The following CAPNS1 variants were observed in gnomAD, a reference collection of about 807,000 sequenced individuals.
CAPNS1 encodes the protein calpain small subunit 1, also known as CANP small subunit.
Under a neutral mutation model 39.2 loss-of-function variants are expected in CAPNS1, and 32 were observed. That is an observed-to-expected ratio of 0.82 (90% CI 0.62 to 1.10). The LOEUF is 1.10. Among genes scored for constraint, CAPNS1 ranks in the 50% least tolerant of loss-of-function variants. The pLI, the probability that CAPNS1 is intolerant of heterozygous loss-of-function variation, is 0.00. For missense variants in CAPNS1, 353 were observed against 373.1 expected, an observed-to-expected ratio of 0.95 and a Z score of 0.44; for synonymous variants, 153 against 136.2, an observed-to-expected ratio of 1.12 and a Z score of -0.86.
Position 36,146,286 on chromosome 19 carries a change from G to T in CAPNS1, c.695G>T (p.Cys232Phe). ...ATGGATTTTGACAACTTCATCAGCT[G>T]CTTGGTCAGGCTGGACGCCATGTTC... ...GNMDFDNFIS[C>F]LVRLDAMFRA... is the part of the protein sequence containing the mutation. The change falls in exon 9 of 11, where the codon TGC becomes TTC. Residue 232 changes from cysteine (C) to phenylalanine (F), a missense_variant. By Grantham distance (205) the Cys-to-Phe change is radical. Transcript: ENST00000246533. The T allele has an allele frequency of 6.2e-7, 1 of 1,613,194 alleles. No individual in the cohort carries two copies. The highest frequency in any genetic ancestry group is 8.5e-7 in the Non-Finnish European group (1 of 1,179,152).
At chr19:36,143,771 G>A (rs1974463999) in intron 6 of CAPNS1, among the ~76,000 whole-genome samples, 1 of 151,536 alleles carries the variant, frequency 6.6e-6, no homozygotes, top group Non-Finnish European at 1.5e-5. Context: ...GCTGAAGCAG[G>A]AGAATGGCGT....
At chr19:36,141,297 G>T in intron 2 of CAPNS1, 77 bp downstream of exon 2, 1 of 1,437,490 alleles carries the variant, frequency 7.0e-7, no homozygotes, top group Non-Finnish European at 9.1e-7. Flanking sequence ...GGAGGGGCGT[G>T]GTCTAAAAAT....
At position 36,146,021 on chromosome 19, in the gene CAPNS1, A is replaced by C; in HGVS notation, c.571A>C (p.Ser191Arg). ...CACTGACCGATCAGGGACCATTTGCAGTAGTGAACTCCCAGGTGCCTTTGA... is the reference window on the plus strand; with the variant it reads ...CACTGACCGATCAGGGACCATTTGCCGTAGTGAACTCCCAGGTGCCTTTGA... ...FDTDRSGTIC[S>R]SELPGAFEAA... The change falls in exon 8 of 11, where the codon AGT (serine) becomes CGT (arginine). Residue 191 changes from serine to arginine, a missense_variant. Physicochemically the swap from Ser to Arg is moderately radical, Grantham distance 110 (BLOSUM62 -1). Transcript: ENST00000246533. The C allele has an allele frequency of 1.9e-6, 3 of 1,614,196 alleles. No homozygotes were observed. The highest frequency in any genetic ancestry group is 2.5e-6 in the Non-Finnish European group (3 of 1,180,034).
At chr19:36,145,110 C>A (rs17879505) in intron 6 of CAPNS1, among the ~76,000 whole-genome samples, 1 of 151,904 alleles carries the variant, frequency 6.6e-6, no homozygotes, top group Non-Finnish European at 1.5e-5. Context: ...GGATTACAGG[C>A]ATGAACCACC....
At position 36,146,048 on chromosome 19, in the gene CAPNS1, G is replaced by T. The variant is rs1974554255; in HGVS notation, c.598G>T (p.Ala200Ser). 6.2e-7 allele frequency: 1 copy of T among 1,614,120 alleles called. No homozygotes were observed. The highest frequency in any genetic ancestry group is 1.3e-5 in the African/African-American group (1 of 75,056). The change falls in exon 8 of 11, where the codon GCA (alanine) becomes TCA (serine). Residue 200 changes from alanine (A) to serine (S), a missense_variant. By Grantham distance (99) the Ala-to-Ser change is moderately conservative (BLOSUM62 1). Transcript: ENST00000246533. Reference sequence around the variant, plus strand: ...TAGTGAACTCCCAGGTGCCTTTGAGGCAGCAGGTATGGCTGGCAGGGACAT... The same window carrying T: ...TAGTGAACTCCCAGGTGCCTTTGAGTCAGCAGGTATGGCTGGCAGGGACAT... ...CSSELPGAFE[A>S]AGFHLNEHLY...
At position 36,142,729 on chromosome 19, in the gene CAPNS1, G is replaced by A; in HGVS notation, c.321G>A (p.Gln107=). 1.2e-6 allele frequency: 2 copies of A among 1,614,030 alleles called. No individual in the cohort carries two copies. Among genetic ancestry groups the A allele is most frequent in the South Asian group, 1.1e-5 (1 of 91,080 alleles). Residue 107 remains glutamine (Q), a synonymous_variant, in exon 4 of 11, where the codon CAG becomes CAA. Coordinates refer to ENST00000246533, the MANE Select transcript of CAPNS1 (RefSeq NM_001749.4). ...EVRQFRRLFA[Q]LAGDDMEVSA... ...GGCAGTTCCGGAGACTCTTTGCCCA[G>A]CTGGCTGGAGATGTAAGTAACCTGG...
intron 2 of CAPNS1, 179 bp downstream of exon 2, chr19:36,141,399 G>C: frequency 7.5e-7 from 1 of 1,334,354 alleles, no homozygotes; most frequent in East Asian, 3.2e-5. Flanking sequence ...GTGGACCCCA[G>C]TGAGGCGGAT....
Position 36,141,149 on chromosome 19 carries a change from C to CGGCGGT in CAPNS1, c.141_146dup (p.Gly55_Gly56dup), listed in dbSNP as rs758160197. 99 of 1,385,960 alleles carry CGGCGGT rather than the reference C, an allele frequency of 7.1e-5. No individual in the cohort carries two copies. The highest frequency in any genetic ancestry group is 5.5e-4 in the African/African-American group (36 of 64,948). The allele number at this position is 1,385,960 out of a possible 1,614,324, so 85.9% of individuals were successfully genotyped here. A position where few individuals can be genotyped will look rare whatever the true frequency, so the allele number is the denominator to read the frequency against. ...GCGGCGGCGGCGGCGGCGGCGGCGG[C>CGGCGGT]GGCGGTGGTGGAGGCGGCGGTGGCG... is the stretch of plus-strand genomic sequence containing the variant. On this transcript the variant is annotated inframe_insertion, in exon 2 of 11. Coordinates refer to ENST00000246533, the MANE Select transcript of CAPNS1 (RefSeq NM_001749.4).
At chr19:36,143,235 C>A in intron 6 of CAPNS1, 107 bp downstream of exon 6, 1 of 957,820 alleles carries the variant, frequency 1.0e-6, no homozygotes, top group Non-Finnish European at 1.7e-6. Flanking sequence ...TGTGGAAATG[C>A]ATTCATCAGA....
chr19:36,145,456 C>T (rs4419170), intron 6 of CAPNS1: 16,728 of 210,390 alleles, frequency 0.08, 953 homozygotes, highest in East Asian at 0.18. Context: ...CCGCCTGCTT[C>T]GGCCTCCCAA....
intron 3 of CAPNS1, 140 bp from the exon 4 acceptor site, chr19:36,142,512 C>T (rs1490292231): frequency 4.3e-5 from 31 of 726,308 alleles, no homozygotes; most frequent in East Asian, 2.5e-5. Flanking sequence ...ATACGTGCAC[C>T]CCATTCACTA....
At chr19:36,141,690 T>A in intron 2 of CAPNS1, 1 of 764,520 alleles carries the variant, frequency 1.3e-6, no homozygotes, top group Non-Finnish European at 1.6e-6. Context: ...TGGGGTAGGG[T>A]AAATGGCCCA....
chr19:36,146,629 TG>T (rs577884378), intron 9 of CAPNS1, among the ~76,000 whole-genome samples: 9 of 152,154 alleles, frequency 5.9e-5, no homozygotes, highest in African/African-American at 2.2e-4. Flanking sequence ...AGATTGTGCT[TG>T]GGGAAGCCTA....
At chr19:36,141,644 A>G (rs1974379404) in intron 2 of CAPNS1, 2 of 1,005,778 alleles carry the variant, frequency 2.0e-6, no homozygotes, top group Non-Finnish European at 2.4e-6. Flanking sequence ...TAGGTGGGTT[A>G]ATGAGGAGGT....
chr19:36,148,295 G>T (rs937046217), intron 9 of CAPNS1: 1 of 151,628 alleles, frequency 6.6e-6, no homozygotes, highest in Admixed American at 6.6e-5. Flanking sequence ...TTGAGTCCAG[G>T]AGTTTGAGAC....
chr19:36,141,515 A>C, intron 2 of CAPNS1: 1 of 1,223,156 alleles, frequency 8.2e-7, no homozygotes. Context: ...GGTGGGGCTT[A>C]TGGGTCTGGG....
chr19:36,140,339 C>T (rs988164479), intron 1 of CAPNS1, 182 bp downstream of exon 1: 2 of 152,418 alleles, frequency 1.3e-5, no homozygotes, highest in African/African-American at 4.8e-5. Context: ...CACCCTCTGT[C>T]TCATGATCCA....
Position 36,149,643 on chromosome 19 carries a change from A to C in CAPNS1, c.780+7A>C. 6.4e-7 allele frequency: 1 copy of C among 1,573,776 alleles called. No homozygotes were observed. ...CCAGGTGAACATCCAGGAGGTAAGG[A>C]CCCCCATATTGGGGTATGGGTGCCT... On this transcript the variant is annotated splice_region_variant and intron_variant, in intron 10 of 10. Coordinates refer to ENST00000246533, the MANE Select transcript of CAPNS1 (RefSeq NM_001749.4).
Position 36,142,338 on chromosome 19 carries a change from G to A in CAPNS1, c.243+5G>A. ...CAGTACAACCCGGAGCCCCCGGTAA[G>A]CCCCCTCTGCAACCAGACCCCCTTC... is the stretch of plus-strand genomic sequence containing the variant. On this transcript the variant is annotated splice_donor_5th_base_variant and intron_variant, in intron 3 of 10. Transcript: ENST00000246533. The A allele has an allele frequency of 6.6e-7, 1 of 1,507,094 alleles. No individual in the cohort carries two copies. The highest frequency in any genetic ancestry group is 2.0e-5 in the Admixed American group (1 of 50,478). The allele number at this position is 1,507,094 out of a possible 1,614,324, so 93.4% of individuals were successfully genotyped here.
Sources: allele counts gnomAD v4.1 joint callset (sites outside exome capture counted in the v4.1 genomes callset), GRCh38; gene constraint gnomAD v4.1.1; transcripts MANE v1.5; gene names NCBI Gene and HGNC (gene_info 2026-07-23, HGNC 2026-07-21).